The following KIAA1549L variants were observed in gnomAD, a reference collection of about 807,000 sequenced individuals.
KIAA1549L encodes KIAA1549 like, also known as UPF0606 protein KIAA1549L.
Under a neutral mutation model 160.7 loss-of-function variants are expected in KIAA1549L, and 88 were observed. The observed-to-expected ratio is 0.55, with a 90% CI of 0.46 to 0.65. The LOEUF is 0.65. KIAA1549L is among the 30% of genes least tolerant of loss of function. The pLI is 0.00. For missense variants in KIAA1549L, 2,258 were observed against 2,437.5 expected (o/e 0.93, Z 1.55); for synonymous variants, 950 against 976.7 (o/e 0.97, Z 0.51).
intron 6 of KIAA1549L, among the ~76,000 whole-genome samples, chr11:33,556,640 T>C (rs1328966521): frequency 1.3e-5 from 2 of 152,206 alleles, no homozygotes; most frequent in Non-Finnish European, 2.9e-5. Flanking sequence ...AAAAGATATC[T>C]AGAGTTGTCA....
chr11:33,414,812 GGAGA>G (rs772317908), intron 1 of KIAA1549L, among the ~76,000 whole-genome samples: 6 of 152,020 alleles, frequency 3.9e-5, no homozygotes, highest in African/African-American at 1.2e-4. Flanking sequence ...CTATTTGTGA[GGAGA>G]GAGAGTGTGT....
chr11:33,650,562 C>G (rs1391434827), intron 17 of KIAA1549L, among the ~76,000 whole-genome samples: 1 of 152,072 alleles, frequency 6.6e-6, no homozygotes, highest in Non-Finnish European at 1.5e-5. Context: ...GCTGGTGTCC[C>G]TGAGAAGCCC....
At chr11:33,635,216 T>G (rs1851407193) in intron 16 of KIAA1549L, among the ~76,000 whole-genome samples, 4 of 152,108 alleles carry the variant, frequency 2.6e-5, no homozygotes, top group Admixed American at 2.6e-4. Context: ...AGGCAGCACT[T>G]GCAGTGGGCA....
At chr11:33,561,128 T>G (rs573403339) in intron 7 of KIAA1549L, among the ~76,000 whole-genome samples, 1 of 152,332 alleles carries the variant, frequency 6.6e-6, no homozygotes, top group Admixed American at 6.5e-5. Context: ...GCTACTAAAC[T>G]TAAGTCCTTG....
At chr11:33,545,978 A>G (rs1044847392) in intron 3 of KIAA1549L, among the ~76,000 whole-genome samples, 31 of 152,334 alleles carry the variant, frequency 2.0e-4, no homozygotes, top group African/African-American at 6.5e-4. Flanking sequence ...TTGATGTTAG[A>G]AAGACTTTCT....
Position 33,671,008 on chromosome 11 carries a change from A to G in KIAA1549L, c.*2854A>G, listed in dbSNP as rs577749035. 6.6e-6 allele frequency: 1 copy of G among 152,222 alleles called. No homozygotes were observed. The highest frequency in any genetic ancestry group is 1.5e-5 in the Non-Finnish European group (1 of 68,034). 9.4% of individuals were successfully genotyped at this position (152,222 alleles called of 1,614,324 possible). A position where few individuals can be genotyped will look rare whatever the true frequency, so the allele number is the denominator to read the frequency against. On this transcript the variant is annotated 3_prime_UTR_variant, in exon 21 of 21. Coordinates refer to ENST00000658780, the MANE Select transcript of KIAA1549L (RefSeq NM_012194.3). ...GAGGTTTAAAAAAAAGATAAGGGTC[A>G]TATGAAGAACTCCATAATGTTCTTG...
At chr11:33,602,274 A>G (rs1850385394) in intron 13 of KIAA1549L, among the ~76,000 whole-genome samples, 1 of 152,180 alleles carries the variant, frequency 6.6e-6, no homozygotes, top group Non-Finnish European at 1.5e-5. Context: ...CTAATTTATT[A>G]GGAGCTCTTT....
intron 1 of KIAA1549L, among the ~76,000 whole-genome samples, chr11:33,444,493 G>A (rs1267239201): frequency 6.6e-6 from 1 of 152,150 alleles, no homozygotes; most frequent in African/African-American, 2.4e-5. Context: ...TGGTGTCAGC[G>A]ATTGCTTCTG....
chr11:33,501,960 A>T (rs2133088511), intron 1 of KIAA1549L, among the ~76,000 whole-genome samples: 1 of 152,314 alleles, frequency 6.6e-6, no homozygotes, highest in Admixed American at 6.5e-5. Flanking sequence ...GATGCCCAGA[A>T]GCCAGTGGTG....
chr11:33,653,970 A>AATT (rs780545072), intron 17 of KIAA1549L, among the ~76,000 whole-genome samples: 53 of 130,892 alleles, frequency 4.0e-4, no homozygotes, highest in Admixed American at 3.2e-3. Context: ...CTGTCTGGTC[A>AATT]ATTATTATTA....
At chr11:33,485,994 A>T (rs979761652) in intron 1 of KIAA1549L, among the ~76,000 whole-genome samples, 10 of 152,314 alleles carry the variant, frequency 6.6e-5, no homozygotes, top group Non-Finnish European at 1.5e-4. Flanking sequence ...TCATGTATAT[A>T]TTCCGCATTT....
chr11:33,381,078 T>C lies in KIAA1549L; in HGVS notation c.238+4189T>C, dbSNP rs77947758. Reference sequence around the variant, plus strand: ...ATATTGAGCCCAGTGCCGTCCAAACTTGACTGTGCTTACCAGTCACGTGAA... The same window carrying C: ...ATATTGAGCCCAGTGCCGTCCAAACCTGACTGTGCTTACCAGTCACGTGAA... On this transcript the variant is annotated intron_variant, in intron 1 of 20. Transcript: ENST00000658780. Among the ~76,000 whole-genome samples the C allele has an allele frequency of 2.6e-3, 391 of 152,134 alleles. 3 individuals are homozygous for C. The highest frequency in any genetic ancestry group is 8.9e-3 in the African/African-American group (370 of 41,540).
chr11:33,596,053 C>T (rs1015925294), intron 12 of KIAA1549L, among the ~76,000 whole-genome samples: 27 of 152,118 alleles, frequency 1.8e-4, no homozygotes, highest in Admixed American at 6.5e-5. Context: ...TAGTGATTGG[C>T]CGTGATTCGT....
chr11:33,652,033 C>T (rs1590444336), intron 17 of KIAA1549L, among the ~76,000 whole-genome samples: 1 of 150,246 alleles, frequency 6.7e-6, no homozygotes, highest in East Asian at 2.0e-4. Context: ...GCCTCAGAGA[C>T]CTGCAATCTG....
At chr11:33,397,305 G>T (rs1209196117) in intron 1 of KIAA1549L, among the ~76,000 whole-genome samples, 1 of 141,488 alleles carries the variant, frequency 7.1e-6, no homozygotes, top group Non-Finnish European at 1.5e-5. Flanking sequence ...TTGCACTCCA[G>T]CCTTGGTGAT....
intron 16 of KIAA1549L, among the ~76,000 whole-genome samples, chr11:33,624,625 T>C (rs912475218): frequency 2.0e-5 from 3 of 152,150 alleles, no homozygotes; most frequent in African/African-American, 7.2e-5. Context: ...ATGTATTTTG[T>C]TTATATTGTA....
chr11:33,617,789 GTGGATGGA>G (rs200551250), intron 15 of KIAA1549L, among the ~76,000 whole-genome samples: 35 of 149,040 alleles, frequency 2.3e-4, no homozygotes, highest in Middle Eastern at 3.5e-3. Flanking sequence ...GGAAGCCTCG[GTGGATGGA>G]TGGATGGATG....
At chr11:33,551,431 T>TTGC (rs1464407093) in intron 5 of KIAA1549L, among the ~76,000 whole-genome samples, 172 bp downstream of exon 5, 1 of 152,240 alleles carries the variant, frequency 6.6e-6, no homozygotes, top group Non-Finnish European at 1.5e-5. Context: ...CACATCAGCC[T>TTGC]AAACTCTTCC....
At chr11:33,572,123 G>A (rs1402578516) in intron 9 of KIAA1549L, among the ~76,000 whole-genome samples, 1 of 151,282 alleles carries the variant, frequency 6.6e-6, no homozygotes, top group Admixed American at 6.6e-5. Context: ...TGCAACCTCC[G>A]CCTCCCAGGT....
Sources: gnomAD v4.1 joint callset for allele counts (sites outside exome capture counted in the v4.1 genomes callset) on GRCh38, gnomAD v4.1.1 for gene constraint, MANE v1.5 for transcripts, NCBI Gene and HGNC (gene_info 2026-07-23, HGNC 2026-07-21) for gene names.